CHST9: variants seen among roughly 807,000 people sequenced by gnomAD.
CHST9 encodes the protein GalNAc-4-sulfotransferase 2.
Under a neutral mutation model 44.4 loss-of-function variants are expected in CHST9, and 41 were observed. The ratio of observed to expected loss-of-function variants is 0.92; its 90% CI spans 0.72 to 1.20. The LOEUF (loss-of-function observed/expected upper bound fraction) is 1.20, where lower values mean the gene tolerates loss of function less well. Among genes scored for constraint, CHST9 ranks in the 50% most tolerant of loss-of-function variants. The pLI, the probability that CHST9 is intolerant of heterozygous loss-of-function variation, is 0.00. For synonymous variants in CHST9, 171 were observed against 178.4 expected (o/e 0.96, Z 0.33); for missense variants, 504 against 516.5 (o/e 0.98, Z 0.23).
At chr18:27,047,021 A>C (rs756599513) in intron 3 of CHST9, among the ~76,000 whole-genome samples, 1 of 152,126 alleles carries the variant, frequency 6.6e-6, no homozygotes, top group East Asian at 1.9e-4. Context: ...AAAGCATTAA[A>C]GTGATTAGCA....
chr18:27,117,796 C>G (rs553504897), intron 2 of CHST9, among the ~76,000 whole-genome samples: 15 of 152,314 alleles, frequency 9.8e-5, no homozygotes, highest in Admixed American at 3.9e-4. Context: ...CATTCACTTA[C>G]TAAAGGACAT....
rs1382715592 is a variant in CHST9 at position 27,185,240 on chromosome 18, G to C, written c.-201C>G. On this transcript the variant is annotated 5_prime_UTR_variant, in exon 1 of 6. Coordinates refer to ENST00000618847, the MANE Select transcript of CHST9 (RefSeq NM_031422.6). ...GGCAAACTCCCGCGCACTCCTGGCA[G>C]CCGTGAGGTGGCTGAGAGCGGAGCG... The C allele has an allele frequency of 2.0e-5, 3 of 152,086 alleles. No homozygotes were observed. The highest frequency in any genetic ancestry group is 2.9e-5 in the Non-Finnish European group (2 of 68,030). 9.4% of individuals were successfully genotyped at this position (152,086 alleles called of 1,614,324 possible).
chr18:26,989,717 G>A (rs1052058728), intron 4 of CHST9, among the ~76,000 whole-genome samples: 5 of 152,164 alleles, frequency 3.3e-5, no homozygotes, highest in African/African-American at 1.2e-4. Flanking sequence ...TGTAATCCCA[G>A]CACTTTTGGA....
At chr18:27,087,080 C>T (rs913425497) in intron 2 of CHST9, among the ~76,000 whole-genome samples, 2 of 152,100 alleles carry the variant, frequency 1.3e-5, no homozygotes, top group Non-Finnish European at 2.9e-5. Flanking sequence ...CCTATAAAGA[C>T]AGTAGGGGCT....
intron 1 of CHST9, among the ~76,000 whole-genome samples, chr18:27,174,863 G>A (rs879521380): frequency 6.6e-6 from 1 of 151,890 alleles, no homozygotes; most frequent in Non-Finnish European, 1.5e-5. Context: ...TTTAAATCTG[G>A]CTATGTCCTT....
At chr18:27,069,030 A>G (rs1207025326) in intron 2 of CHST9, among the ~76,000 whole-genome samples, 2 of 152,200 alleles carry the variant, frequency 1.3e-5, no homozygotes, top group African/African-American at 4.8e-5. Context: ...ATTCCTTCAC[A>G]TCAGCTCAGG....
At chr18:26,939,131 A>T (rs1284489677) in intron 5 of CHST9, among the ~76,000 whole-genome samples, 1 of 152,224 alleles carries the variant, frequency 6.6e-6, no homozygotes, top group African/African-American at 2.4e-5. Context: ...TGGGATATAA[A>T]TGATTAGAAT....
intron 2 of CHST9, among the ~76,000 whole-genome samples, chr18:27,125,679 A>G (rs1157440984): frequency 6.6e-6 from 1 of 152,226 alleles, no homozygotes; most frequent in Non-Finnish European, 1.5e-5. Context: ...AAAGAAGAAA[A>G]TGGCATCTGT....
At chr18:27,089,874 G>A (rs57324434) in intron 2 of CHST9, among the ~76,000 whole-genome samples, 10,081 of 147,384 alleles carry the variant, frequency 0.068, 433 homozygotes, top group East Asian at 0.14. Flanking sequence ...GCAGTCACGC[G>A]ATCTGGGCTC....
At chr18:27,139,622 T>C (rs991550242) in intron 2 of CHST9, among the ~76,000 whole-genome samples, 37 of 152,176 alleles carry the variant, frequency 2.4e-4, no homozygotes, top group Admixed American at 2.3e-3. Flanking sequence ...AATATTACAG[T>C]TTTTCGTCAG....
chr18:26,922,165 C>T (rs1387083756), intron 5 of CHST9, among the ~76,000 whole-genome samples: 1 of 151,894 alleles, frequency 6.6e-6, no homozygotes, highest in East Asian at 1.9e-4. Flanking sequence ...GCTTTTTTTG[C>T]TTCTCTCTTA....
chr18:27,148,056 C>T (rs2058628550), intron 1 of CHST9, among the ~76,000 whole-genome samples: 1 of 151,972 alleles, frequency 6.6e-6, no homozygotes, highest in African/African-American at 2.4e-5. Context: ...TGCTGTTCTC[C>T]TCTATGTGTC....
intron 4 of CHST9, among the ~76,000 whole-genome samples, chr18:26,957,331 T>C (rs536169218): frequency 1.1e-4 from 17 of 152,300 alleles, no homozygotes; most frequent in African/African-American, 3.8e-4. Flanking sequence ...ATGAGTTTTA[T>C]GGAAACTGTT....
chr18:27,048,500 CT>C lies in CHST9; in HGVS notation c.124del (p.Arg42GlufsTer10). ...QVWIEEQHTG[R>X]VEKRREQKVT... ...TTTTTGTTCTCTTCTCTTCTCCACT[CT>C]CCCTGAAATGAGAAGTGGAAGATAA... On this transcript the variant is annotated frameshift_variant and splice_region_variant, in exon 3 of 6. Coordinates refer to ENST00000618847, the MANE Select transcript of CHST9 (RefSeq NM_031422.6). LOFTEE classifies it high-confidence loss of function. The C allele has an allele frequency of 6.2e-7, 1 of 1,604,750 alleles. No homozygotes were observed. The highest frequency in any genetic ancestry group is 8.5e-7 in the Non-Finnish European group (1 of 1,175,382).
In CHST9 at chr18:27,009,714, T is replaced by A. The variant is rs374087205; in HGVS notation, c.202+14402A>T. 3.2e-4 allele frequency among the ~76,000 whole-genome samples: 49 copies of A among 152,346 alleles called. No homozygotes were observed. In the South Asian group the frequency reaches 0.01, roughly 32 times the overall value. ...AAATAAGCTTTTATTATTCTGTGGC[T>A]CTGTTGAAAAGGGTACCATCAAACA... On this transcript the variant is annotated intron_variant, in intron 4 of 5. Coordinates refer to ENST00000618847, the MANE Select transcript of CHST9 (RefSeq NM_031422.6).
chr18:27,126,750 C>G (rs1452491706), intron 2 of CHST9, among the ~76,000 whole-genome samples: 2 of 152,020 alleles, frequency 1.3e-5, no homozygotes, highest in Non-Finnish European at 2.9e-5. Context: ...AATCAGGCTT[C>G]AAGCAGGACA....
chr18:26,962,936 C>G (rs2056419140), intron 4 of CHST9, among the ~76,000 whole-genome samples: 1 of 152,066 alleles, frequency 6.6e-6, no homozygotes, highest in Non-Finnish European at 1.5e-5. Flanking sequence ...TGGGATGAAG[C>G]CAGAGAAACA....
intron 4 of CHST9, among the ~76,000 whole-genome samples, chr18:26,985,161 A>T (rs948616574): frequency 1.3e-5 from 2 of 152,256 alleles, no homozygotes; most frequent in Non-Finnish European, 2.9e-5. Context: ...CCACAGAGCA[A>T]CAAGAATGAA....
intron 2 of CHST9, among the ~76,000 whole-genome samples, chr18:27,083,736 C>G (rs750656224): frequency 3.3e-5 from 5 of 152,208 alleles, no homozygotes; most frequent in Non-Finnish European, 7.4e-5. Flanking sequence ...ACATCTGCTT[C>G]TAGTCTTCTC....
Sources: gnomAD v4.1 joint callset for allele counts (sites outside exome capture counted in the v4.1 genomes callset) on GRCh38, gnomAD v4.1.1 for gene constraint, MANE v1.5 for transcripts, NCBI Gene and HGNC (gene_info 2026-07-23, HGNC 2026-07-21) for gene names.